Variants in MYT1L observed in about 807,000 individuals in gnomAD.
MYT1L encodes the protein myelin transcription factor 1 like, also known as myelin transcription factor 1-like protein.
A neutral mutation model predicts 126.7 loss-of-function variants in MYT1L; 12 were observed. That is an observed-to-expected ratio of 0.09 (90% CI 0.06 to 0.15). The LOEUF is 0.15. Among genes scored for constraint, MYT1L ranks in the 10% least tolerant of loss-of-function variants. The pLI is 1.00. For synonymous variants in MYT1L, 541 were observed against 604.2 expected, an observed-to-expected ratio of 0.90 and a Z score of 1.53; for missense variants, 979 against 1,585.2, an observed-to-expected ratio of 0.62 and a Z score of 6.49.
At chr2:1,974,318 G>C (rs1158404920) in intron 8 of MYT1L, 4 of 152,310 alleles carry the variant, frequency 2.6e-5, no homozygotes, top group Non-Finnish European at 5.9e-5. Context: ...GCTGAGCCAC[G>C]TGTGCAGCCA....
chr2:1,894,714 T>A (rs1263750238), intron 14 of MYT1L, among the ~76,000 whole-genome samples: 1 of 152,188 alleles, frequency 6.6e-6, no homozygotes, highest in African/African-American at 2.4e-5. Context: ...CAACGGCAGC[T>A]GACATAGGTC....
intron 4 of MYT1L, among the ~76,000 whole-genome samples, chr2:2,040,362 G>C (rs2067393228): frequency 6.6e-6 from 1 of 152,170 alleles, no homozygotes; most frequent in Non-Finnish European, 1.5e-5. Context: ...GGAAAGTTTG[G>C]AACTAGGGAG....
chr2:1,846,643 C>T (rs2042534748), intron 19 of MYT1L, among the ~76,000 whole-genome samples: 1 of 152,114 alleles, frequency 6.6e-6, no homozygotes, highest in South Asian at 2.1e-4. Flanking sequence ...ACCTCGTGGC[C>T]CCCAGGCCAA....
chr2:1,872,244 G>T (rs1186792164), intron 18 of MYT1L, among the ~76,000 whole-genome samples: 1 of 152,176 alleles, frequency 6.6e-6, no homozygotes, highest in African/African-American at 2.4e-5. Flanking sequence ...ATCCACCAGG[G>T]CATGAAAAGT....
At chr2:2,304,534 ACTTTT>A (rs1298670437) in intron 1 of MYT1L, among the ~76,000 whole-genome samples, 1 of 152,166 alleles carries the variant, frequency 6.6e-6, no homozygotes, top group Non-Finnish European at 1.5e-5. Flanking sequence ...GCACTAGGTA[ACTTTT>A]CTTTTCTTCC....
chr2:1,875,084 A>G (rs1392789474), intron 18 of MYT1L, among the ~76,000 whole-genome samples: 1 of 151,482 alleles, frequency 6.6e-6, no homozygotes, highest in Non-Finnish European at 1.5e-5. Context: ...ACAATGGGCA[A>G]CATGTGCTGA....
intron 4 of MYT1L, among the ~76,000 whole-genome samples, chr2:2,012,328 G>C (rs1401230844): frequency 6.6e-6 from 1 of 152,168 alleles, no homozygotes; most frequent in African/African-American, 2.4e-5. Context: ...ATAAATGAAG[G>C]TTTAACACAT....
At chr2:1,914,008 C>A (rs1393178024) in intron 11 of MYT1L, among the ~76,000 whole-genome samples, 2 of 152,158 alleles carry the variant, frequency 1.3e-5, no homozygotes, top group Non-Finnish European at 2.9e-5. Context: ...GTAATTCCAG[C>A]ACTTTGGGAG....
intron 3 of MYT1L, among the ~76,000 whole-genome samples, chr2:2,069,303 A>G (rs1186089387): frequency 6.6e-6 from 1 of 152,008 alleles, no homozygotes; most frequent in East Asian, 1.9e-4. Flanking sequence ...ACTCCCATTT[A>G]TGAGTGAGAA....
chr2:2,323,573 G>A (rs1454767500), intron 1 of MYT1L, among the ~76,000 whole-genome samples: 1 of 152,168 alleles, frequency 6.6e-6, no homozygotes, highest in African/African-American at 2.4e-5. Flanking sequence ...CACCCATATT[G>A]CAGTAGTACA....
chr2:1,853,035 T>C (rs1258781037), intron 18 of MYT1L, among the ~76,000 whole-genome samples: 1 of 152,190 alleles, frequency 6.6e-6, no homozygotes, highest in Non-Finnish European at 1.5e-5. Flanking sequence ...TTTAAGTGTA[T>C]GAATGTCACA....
At chr2:1,897,408 A>C (rs1388657738) in intron 14 of MYT1L, among the ~76,000 whole-genome samples, 1 of 152,094 alleles carries the variant, frequency 6.6e-6, no homozygotes, top group African/African-American at 2.4e-5. Context: ...GAGCAGTTTC[A>C]CAATGACAGA....
chr2:1,872,053 G>A (rs796099044), intron 18 of MYT1L, among the ~76,000 whole-genome samples: 19 of 152,276 alleles, frequency 1.2e-4, no homozygotes, highest in African/African-American at 3.1e-4. Context: ...TGGTGCAGCC[G>A]CATGAAGGTG....
chr2:1,942,407 A>C (rs916834817), intron 9 of MYT1L, among the ~76,000 whole-genome samples: 3 of 152,192 alleles, frequency 2.0e-5, no homozygotes, highest in Non-Finnish European at 4.4e-5. Context: ...AACAGCTCTC[A>C]CATATGGAAG....
intron 3 of MYT1L, among the ~76,000 whole-genome samples, chr2:2,167,411 T>TG (rs1386283957): frequency 6.6e-6 from 1 of 152,196 alleles, no homozygotes; most frequent in Non-Finnish European, 1.5e-5. Flanking sequence ...TCTGTCTTCC[T>TG]GGAGACCCTG....
rs375329072 is a variant in MYT1L, at chr2:1,922,653, C to T, written c.1116G>A (p.Pro372=). 38 of 1,613,784 alleles carry T rather than the reference C, an allele frequency of 2.4e-5. No individual in the cohort carries two copies. Among genetic ancestry groups the T allele is most frequent in the South Asian group, 1.6e-4 (15 of 91,058 alleles). Reference sequence around the variant, plus strand: ...TCAGCATGTCCGAGTAGTTTCTGTCCGGCGTCCTTCCGGGGAAGTCCTCTT... The same window carrying T: ...TCAGCATGTCCGAGTAGTTTCTGTCTGGCGTCCTTCCGGGGAAGTCCTCTT... ...RPEEDFPGRT[P]DRNYSDMLNL... The change falls in exon 10 of 25, where the codon CCG becomes CCA. Residue 372 remains proline (P), a synonymous_variant. Transcript: ENST00000647738. The surrounding 1 kb of genome is among the most constrained non-coding windows in gnomAD (Gnocchi z 7.4).
chr2:2,249,161 A>C (rs762062377), intron 2 of MYT1L, among the ~76,000 whole-genome samples: 9 of 152,138 alleles, frequency 5.9e-5, no homozygotes, highest in Non-Finnish European at 1.3e-4. Flanking sequence ...ATAAATTTAA[A>C]AAATAAATTT....
chr2:2,211,811 A>AAAAAAAAAACAAACAAAC (rs2093522497), intron 2 of MYT1L, among the ~76,000 whole-genome samples: 1 of 148,340 alleles, frequency 6.7e-6, no homozygotes, highest in African/African-American at 2.5e-5. Context: ...GTCAAAAAAA[A>AAAAAAAAAACAAACAAAC]AAAAAAAAAA....
At position 1,892,049 on chromosome 2, in the gene MYT1L, C is replaced by T; in HGVS notation, c.2271G>A (p.Leu757=). 2 of 1,533,170 alleles carry T rather than the reference C, an allele frequency of 1.3e-6. No individual in the cohort carries two copies. The highest frequency in any genetic ancestry group is 2.4e-5 in the South Asian group (2 of 83,852). The allele number at this position is 1,533,170 out of a possible 1,614,324, so 95.0% of individuals were successfully genotyped here. The change falls in exon 15 of 25, where the codon CTG becomes CTA. Residue 757 remains leucine (L), a synonymous_variant. Coordinates refer to ENST00000647738, the MANE Select transcript of MYT1L (RefSeq NM_001303052.2). The part of the protein sequence containing the change: ...PQNLSTKPQD[L]CATRNPDMEV... ...CAGGCGCGCGTACCCGCGTGGCGCA[C>T]AGGTCCTGCGGCTTGGTGCTCAGGT...
Sources: allele counts gnomAD v4.1 joint callset (sites outside exome capture counted in the v4.1 genomes callset), GRCh38; gene constraint gnomAD v4.1.1; non-coding constraint Gnocchi (gnomAD v3.1); transcripts MANE v1.5; gene names NCBI Gene and HGNC (gene_info 2026-07-23, HGNC 2026-07-21).